Variants in DCLK3 observed in about 807,000 individuals in gnomAD.
DCLK3 encodes doublecortin like kinase 3.
In DCLK3, 30 loss-of-function variants were observed where a neutral mutation model predicts 46.4. The ratio of observed to expected loss-of-function variants is 0.65; its 90% confidence interval spans 0.48 to 0.88. DCLK3 has a LOEUF of 0.88. Among genes scored for constraint, DCLK3 ranks in the 40% least tolerant of loss-of-function variants. DCLK3 has a pLI of 0.00. For missense variants in DCLK3, 846 were observed against 907.1 expected (o/e 0.93, Z 0.87); for synonymous variants, 401 against 339.2 (o/e 1.18, Z -2.00).
intron 1 of DCLK3, among the ~76,000 whole-genome samples, chr3:36,760,733 A>AT (rs1701532296): frequency 6.6e-6 from 1 of 152,222 alleles, no homozygotes; most frequent in African/African-American, 2.4e-5. Context: ...TTTTAATAAG[A>AT]TCCCCAGATG....
In DCLK3 at chr3:36,737,801, G is replaced by A; in HGVS notation, c.1366C>T (p.Leu456Phe). Residue 456 changes from leucine to phenylalanine, a missense_variant, in exon 2 of 5, where the codon CTC becomes TTC. Transcript: ENST00000636136. This position sits in a 1 kb window ranked among gnomAD's most constrained non-coding sequence, Gnocchi z 4.4. ...TTCTCTTCTCCTCGGGTCCTGCGGA[G>A]CTTCTCAAAGCCCGCCTGGTGCTCT... is the stretch of plus-strand genomic sequence containing the variant. ...LREHQAGFEK[L>F]RRTRGEEKEA... 1.2e-6 allele frequency: 2 copies of A among 1,614,072 alleles called. No homozygotes were observed. Among genetic ancestry groups the A allele is most frequent in the Non-Finnish European group, 1.7e-6 (2 of 1,180,028 alleles).
chr3:36,727,632 A>T (rs1331563888), intron 2 of DCLK3, among the ~76,000 whole-genome samples: 1 of 152,166 alleles, frequency 6.6e-6, no homozygotes. Flanking sequence ...TCCCCTGAGC[A>T]TCAACAATTG....
intron 2 of DCLK3, among the ~76,000 whole-genome samples, chr3:36,727,660 G>T (rs1346283915): frequency 6.6e-6 from 1 of 152,194 alleles, no homozygotes; most frequent in Non-Finnish European, 1.5e-5. Context: ...AGAACTTGGT[G>T]GGGGGCAGCG....
At chr3:36,724,620 G>A (rs1399892518) in intron 2 of DCLK3, among the ~76,000 whole-genome samples, 1 of 152,086 alleles carries the variant, frequency 6.6e-6, no homozygotes, top group Admixed American at 6.5e-5. Flanking sequence ...TCAAAAATGG[G>A]AGTTTGCCTG....
intron 2 of DCLK3, among the ~76,000 whole-genome samples, chr3:36,731,301 C>T (rs1479596039): frequency 6.6e-6 from 1 of 152,124 alleles, no homozygotes; most frequent in Non-Finnish European, 1.5e-5. Flanking sequence ...CACCTCGACC[C>T]TGCTTCTCTC....
intron 1 of DCLK3, among the ~76,000 whole-genome samples, chr3:36,740,498 C>T (rs1701332997): frequency 1.3e-5 from 2 of 152,134 alleles, no homozygotes; most frequent in Non-Finnish European, 2.9e-5. Flanking sequence ...TAAAAACTTC[C>T]TTGTCCAGAT....
At position 36,715,531 on chromosome 3, in the gene DCLK3, T is replaced by C. The variant is rs770401750; in HGVS notation, c.2261-10A>G. On this transcript the variant is annotated splice_polypyrimidine_tract_variant and intron_variant, in intron 4 of 4. Coordinates refer to ENST00000636136, the MANE Select transcript of DCLK3 (RefSeq NM_001394672.2). The stretch of plus-strand genomic sequence containing the variant: ...ACCAGATCTTTAGCAGCTGTTGGAA[T>C]GAGAGAAGGGGAAAATGTGATGAAT... 4 of 1,519,586 alleles carry C rather than the reference T, an allele frequency of 2.6e-6. No individual in the cohort carries two copies. Among genetic ancestry groups the C allele is most frequent in the South Asian group, 1.3e-5 (1 of 75,114 alleles). 94.1% of individuals were successfully genotyped at this position (1,519,586 alleles called of 1,614,324 possible).
In DCLK3 at chr3:36,715,403, T is replaced by A. The variant is rs762587300; in HGVS notation, c.2379A>T (p.Arg793=). The A allele has an allele frequency of 1.2e-6, 2 of 1,614,044 alleles. No individual in the cohort carries two copies. The highest frequency in any genetic ancestry group is 2.7e-5 in the African/African-American group (2 of 74,932). Residue 793 remains arginine, a synonymous_variant, in exon 5 of 5, where the codon CGA becomes CGT. Transcript: ENST00000636136. ...ETAGKTNTVK[R]QKQVSPSSEG... is the part of the protein sequence containing the mutation. ...CGCTGCTGGGGGACACCTGCTTCTG[T>A]CGTTTCACTGTATTGGTCTTGCCAG...
intron 1 of DCLK3, among the ~76,000 whole-genome samples, chr3:36,746,972 A>T (rs1226529940): frequency 6.6e-6 from 1 of 152,230 alleles, no homozygotes; most frequent in Non-Finnish European, 1.5e-5. Context: ...CACCAAAGAT[A>T]TACAGTGAAA....
intron 1 of DCLK3, among the ~76,000 whole-genome samples, chr3:36,756,974 G>A (rs1701491100): frequency 6.6e-6 from 1 of 151,806 alleles, no homozygotes; most frequent in African/African-American, 2.4e-5. Context: ...CAATGCCTGA[G>A]ACCAGGAGAG....
intron 1 of DCLK3, among the ~76,000 whole-genome samples, chr3:36,749,054 G>A (rs1182330851): frequency 6.6e-6 from 1 of 152,158 alleles, no homozygotes; most frequent in Admixed American, 6.5e-5. Context: ...ACTCACCCAT[G>A]ATCACATCCC....
At chr3:36,728,320 C>T (rs137937515) in intron 2 of DCLK3, among the ~76,000 whole-genome samples, 240 of 152,102 alleles carry the variant, frequency 1.6e-3, no homozygotes, top group African/African-American at 5.4e-3. Flanking sequence ...GACAACTTGA[C>T]TGGATTAAGG....
chr3:36,759,292 G>A (rs548905822), intron 1 of DCLK3, among the ~76,000 whole-genome samples: 83 of 152,088 alleles, frequency 5.5e-4, no homozygotes, highest in South Asian at 3.5e-3. Flanking sequence ...AGCCCCCTGC[G>A]CCCACAATTA....
intron 1 of DCLK3, among the ~76,000 whole-genome samples, chr3:36,752,938 G>T (rs1701455828): frequency 6.6e-6 from 1 of 152,166 alleles, no homozygotes; most frequent in Admixed American, 6.5e-5. Context: ...GTGAGCCAAT[G>T]AACAAATAGT....
In DCLK3 at chr3:36,715,417, T is replaced by C. The variant is rs1203325404; in HGVS notation, c.2365A>G (p.Asn789Asp). The C allele has an allele frequency of 1.9e-6, 3 of 1,613,956 alleles. No homozygotes were observed. The highest frequency in any genetic ancestry group is 4.5e-5 in the East Asian group (2 of 44,898). ...HPWIETAGKT[N>D]TVKRQKQVSP... Reference sequence around the variant, plus strand: ...ACCTGCTTCTGTCGTTTCACTGTATTGGTCTTGCCAGCTGTTTCGATCCAG... The same window carrying C: ...ACCTGCTTCTGTCGTTTCACTGTATCGGTCTTGCCAGCTGTTTCGATCCAG... The change falls in exon 5 of 5, where the codon AAT becomes GAT. Residue 789 changes from asparagine (N) to aspartate (D), a missense_variant. Coordinates refer to ENST00000636136, the MANE Select transcript of DCLK3 (RefSeq NM_001394672.2).
Position 36,738,112 on chromosome 3 carries a change from C to T in DCLK3, c.1055G>A (p.Cys352Tyr). 6.2e-7 allele frequency: 1 copy of T among 1,613,850 alleles called. No individual in the cohort carries two copies. ...DVEKLVRTRS[C>Y]RRSPEANPAS... ...AGGATTTGCCTCGGGAGACCTCCTG[C>T]AGCTTCTGGTCCTCACCAGCTTCTC... Residue 352 changes from cysteine to tyrosine, a missense_variant, in exon 2 of 5, where the codon TGC becomes TAC. By Grantham distance (194) the Cys-to-Tyr change is radical. Transcript: ENST00000636136.
chr3:36,751,925 G>A (rs1701445303), intron 1 of DCLK3, among the ~76,000 whole-genome samples: 1 of 152,182 alleles, frequency 6.6e-6, no homozygotes. Context: ...CAAGCATGCA[G>A]TCAGGATTTT....
At chr3:36,744,868 G>A (rs893682429) in intron 1 of DCLK3, among the ~76,000 whole-genome samples, 1 of 152,158 alleles carries the variant, frequency 6.6e-6, no homozygotes. Flanking sequence ...GGAGATAAAC[G>A]GAATTTCTGC....
At chr3:36,743,856 C>T (rs1701370840) in intron 1 of DCLK3, among the ~76,000 whole-genome samples, 1 of 152,126 alleles carries the variant, frequency 6.6e-6, no homozygotes, top group African/African-American at 2.4e-5. Context: ...TCCACTCCCC[C>T]ACCAATCCAA....
Sources: gnomAD v4.1 joint callset for allele counts (sites outside exome capture counted in the v4.1 genomes callset) on GRCh38, gnomAD v4.1.1 for gene constraint, Gnocchi (gnomAD v3.1) non-coding constraint, MANE v1.5 for transcripts, NCBI Gene and HGNC (gene_info 2026-07-23, HGNC 2026-07-21) for gene names.